The following TRPV3 variants were observed in gnomAD, a reference collection of about 807,000 sequenced individuals.
The protein encoded by TRPV3 is VRL-3.
Under a neutral mutation model 87.1 loss-of-function variants are expected in TRPV3, and 88 were observed. The observed-to-expected ratio is 1.01, with a 90% CI of 0.85 to 1.21. The LOEUF (loss-of-function observed/expected upper bound fraction) is 1.21. Ranked by LOEUF, TRPV3 falls within the 50% of genes most tolerant of loss-of-function variation. TRPV3 has a pLI of 0.00. For synonymous variants in TRPV3, 438 were observed against 423.3 expected, an observed-to-expected ratio of 1.03 and a Z score of -0.43; for missense variants, 1,054 against 1,030.1, an observed-to-expected ratio of 1.02 and a Z score of -0.32.
chr17:3,550,877 T>G (rs944580859), intron 2 of TRPV3, among the ~76,000 whole-genome samples: 1 of 152,140 alleles, frequency 6.6e-6, no homozygotes, highest in Non-Finnish European at 1.5e-5. Flanking sequence ...ACTAATATCC[T>G]CTGTGTAAGA....
intron 6 of TRPV3, among the ~76,000 whole-genome samples, chr17:3,540,046 G>A (rs958819512): frequency 1.1e-4 from 16 of 146,318 alleles, no homozygotes; most frequent in Non-Finnish European, 2.1e-4. Context: ...TGACACAGCG[G>A]AACTCCATCT....
chr17:3,511,502 CTCCT>C lies in TRPV3; in HGVS notation c.*2411_*2414del, dbSNP rs1567625707. 4.6e-5 allele frequency: 7 copies of C among 152,232 alleles called. No individual in the cohort carries two copies. Among genetic ancestry groups the C allele is most frequent in the Non-Finnish European group, 4.4e-5 (3 of 68,050 alleles). The allele number at this position is 152,232 out of a possible 1,614,324, so 9.4% of individuals were successfully genotyped here. On this transcript the variant is annotated 3_prime_UTR_variant, in exon 18 of 18. Coordinates refer to ENST00000576742, the MANE Select transcript of TRPV3 (RefSeq NM_145068.4). ...CTCTGGGCGTAAAATGAAGGAAGTG[CTCCT>C]TTTCACTCTGATGCTTCTTGACTTA...
At position 3,556,636 on chromosome 17, in the gene TRPV3, G is replaced by A. The variant is rs369066309; in HGVS notation, c.-3+1040C>T. ...CGGAGCCAGGTGTCATCAGGCTGGA[G>A]AGAGTCCCCCGCCCTCCAACTCAAA... On this transcript the variant is annotated intron_variant, in intron 1 of 17. Coordinates refer to ENST00000576742, the MANE Select transcript of TRPV3 (RefSeq NM_145068.4). The surrounding 1 kb of genome is among the most constrained non-coding windows in gnomAD (Gnocchi z 4.2). Among the ~76,000 whole-genome samples the A allele has an allele frequency of 1.1e-4, 16 of 152,298 alleles. No homozygotes were observed. The East Asian group carries it at 3.1e-3, about 29-fold the overall frequency.
At chr17:3,535,765 T>C (rs1342520838) in intron 6 of TRPV3, 52 bp from the exon 7 acceptor site, 1 of 1,412,014 alleles carries the variant, frequency 7.1e-7, no homozygotes, top group Non-Finnish European at 9.2e-7. Flanking sequence ...CACAGGGGCC[T>C]CTTGCCCACC....
At chr17:3,523,718 CAAAAAAAAA>C (rs201681037) in intron 13 of TRPV3, among the ~76,000 whole-genome samples, 33 of 78,638 alleles carry the variant, frequency 4.2e-4, no homozygotes, top group Non-Finnish European at 7.9e-4. Context: ...ACTTGGTCTC[CAAAAAAAAA>C]AAAAAAAAGC....
At chr17:3,516,275 C>T (rs1350051102) in intron 16 of TRPV3, among the ~76,000 whole-genome samples, 182 bp downstream of exon 16, 1 of 152,126 alleles carries the variant, frequency 6.6e-6, no homozygotes, top group African/African-American at 2.4e-5. Context: ...CTCAGGAACC[C>T]CCATCTCAGG....
chr17:3,518,736 A>G lies in TRPV3; in HGVS notation c.1925T>C (p.Leu642Pro), dbSNP rs115515253. 1.2e-6 allele frequency: 2 copies of G among 1,613,772 alleles called. No individual in the cohort carries two copies. The highest frequency in any genetic ancestry group is 1.7e-5 in the Admixed American group (1 of 59,952). The stretch of plus-strand genomic sequence containing the variant: ...ATACTTGGAGTTCTGCTGGATGTTC[A>G]GGTCACCCAGGCCTATGGTGAGCTT... ...LFKLTIGLGD[L>P]NIQQNSKYPI... The change falls in exon 15 of 18, where the codon CTG (leucine) becomes CCG (proline). Residue 642 changes from leucine to proline, a missense_variant. By Grantham distance (98) the Leu-to-Pro change is moderately conservative (BLOSUM62 -3). Transcript: ENST00000576742. This position sits in a 1 kb window ranked among gnomAD's most constrained non-coding sequence, Gnocchi z 4.3.
At chr17:3,514,315 G>C in intron 17 of TRPV3, 1 of 511,338 alleles carries the variant, frequency 2.0e-6, no homozygotes, top group South Asian at 2.4e-5. Context: ...CTGACCTCAG[G>C]TGATTCACCC....
chr17:3,546,687 G>T (rs1364861683), intron 2 of TRPV3: 1 of 455,580 alleles, frequency 2.2e-6, no homozygotes, highest in East Asian at 7.0e-5. Flanking sequence ...CAGATTCAAA[G>T]CTGGGCTAGG....
rs532268003 is a variant in TRPV3 at position 3,512,672 on chromosome 17, C to T, written c.*1245G>A. 1.3e-5 allele frequency: 2 copies of T among 152,190 alleles called. No individual in the cohort carries two copies. Among genetic ancestry groups the T allele is most frequent in the Non-Finnish European group, 2.9e-5 (2 of 68,022 alleles). 9.4% of individuals were successfully genotyped at this position (152,190 alleles called of 1,614,324 possible). ...CACCTGGAAAATCCTTCCGTCTCCA[C>T]TTCACCTCTGCCCCCCAGACTGACT... On this transcript the variant is annotated 3_prime_UTR_variant, in exon 18 of 18. Transcript: ENST00000576742.
rs1355064005 is a variant in TRPV3, at chr17:3,535,621, T to C, written c.736A>G (p.Lys246Glu). 1.9e-6 allele frequency: 3 copies of C among 1,609,670 alleles called. No homozygotes were observed. Among genetic ancestry groups the C allele is most frequent in the Non-Finnish European group, 2.5e-6 (3 of 1,178,746 alleles). ...AAGADVNAHA[K>E]GAFFNPKYQH... Reference sequence around the variant, plus strand: ...TACTTGGGGTTGAAGAAGGCCCCCTTGGCGTGCGCGTTGACGTCGGCGCCG... The same window carrying C: ...TACTTGGGGTTGAAGAAGGCCCCCTCGGCGTGCGCGTTGACGTCGGCGCCG... The change falls in exon 7 of 18, where the codon AAG (lysine) becomes GAG (glutamate). Residue 246 changes from lysine to glutamate, a missense_variant. Transcript: ENST00000576742.
chr17:3,534,346 G>A (rs1456202590), intron 7 of TRPV3, among the ~76,000 whole-genome samples: 1 of 151,966 alleles, frequency 6.6e-6, no homozygotes, highest in African/African-American at 2.4e-5. Context: ...TGAGCCAGAT[G>A]GCACCACTGC....
At position 3,542,552 on chromosome 17, in the gene TRPV3, T is replaced by A; in HGVS notation, c.613A>T (p.Asn205Tyr). Reference protein sequence around the residue: ...EENDILGRFINAEYTEEAYEG... With the variant: ...EENDILGRFIYAEYTEEAYEG... ...TAGGCCTCCTCTGTGTACTCGGCGT[T>A]GATGAACCTGCCCAGGATGTCGTTC... Residue 205 changes from asparagine to tyrosine, a missense_variant, in exon 6 of 18, where the codon AAC (asparagine) becomes TAC (tyrosine). Transcript: ENST00000576742. The A allele has an allele frequency of 6.2e-7, 1 of 1,614,086 alleles. No individual in the cohort carries two copies. Among genetic ancestry groups the A allele is most frequent in the Non-Finnish European group, 8.5e-7 (1 of 1,179,996 alleles).
intron 6 of TRPV3, among the ~76,000 whole-genome samples, chr17:3,541,330 T>C (rs771702730): frequency 6.6e-5 from 10 of 152,138 alleles, no homozygotes; most frequent in Non-Finnish European, 1.2e-4. Flanking sequence ...ATCGCGCCAC[T>C]GCACTCCAGC....
rs1017192975 is a variant in TRPV3 at position 3,528,600 on chromosome 17, G to A, written c.1401+237C>T. Among the ~76,000 whole-genome samples the A allele has an allele frequency of 5.9e-5, 9 of 152,166 alleles. No homozygotes were observed. The highest frequency in any genetic ancestry group is 1.3e-4 in the Non-Finnish European group (9 of 68,030). On this transcript the variant is annotated intron_variant, in intron 10 of 17. Transcript: ENST00000576742. This position sits in a 1 kb window ranked among gnomAD's most constrained non-coding sequence, Gnocchi z 4.2. ...GACCCTGTGCAGGGCCTGAGTCTCC[G>A]AATTCTCCAACTTTCCTCCCAGCAA...
chr17:3,544,518 G>T, intron 4 of TRPV3, 61 bp downstream of exon 4: 1 of 1,101,306 alleles, frequency 9.1e-7, no homozygotes. Context: ...CCCGGATCCT[G>T]TCTCTCTGGC....
At position 3,519,324 on chromosome 17, in the gene TRPV3, T is replaced by A. The variant is rs946578339; in HGVS notation, c.1811-474A>T. On this transcript the variant is annotated intron_variant, in intron 14 of 17. Coordinates refer to ENST00000576742, the MANE Select transcript of TRPV3 (RefSeq NM_145068.4). ...ACAGTAGAGGTTCACTGCTGAATGG[T>A]TGGATGGATGGATGGATGGATGGAT... 3.3e-3 allele frequency among the ~76,000 whole-genome samples: 482 copies of A among 146,726 alleles called. 3 individuals carry two copies. Among genetic ancestry groups the A allele is most frequent in the African/African-American group, 0.011 (432 of 39,632 alleles).
intron 2 of TRPV3, among the ~76,000 whole-genome samples, chr17:3,547,202 G>A (rs1356622875): frequency 6.6e-6 from 1 of 152,182 alleles, no homozygotes; most frequent in African/African-American, 2.4e-5. Context: ...CTGAGGGGCC[G>A]TCCCTAGACT....
At chr17:3,525,062 T>C (rs8068269) in intron 12 of TRPV3, among the ~76,000 whole-genome samples, 41,671 of 152,072 alleles carry the variant, frequency 0.27, 6,282 homozygotes, top group Non-Finnish European at 0.34. Context: ...CTCTGTCACC[T>C]AGGCTGGAGT....
Sources: gnomAD v4.1 joint callset for allele counts (sites outside exome capture counted in the v4.1 genomes callset) on GRCh38, gnomAD v4.1.1 for gene constraint, Gnocchi (gnomAD v3.1) non-coding constraint, MANE v1.5 for transcripts, NCBI Gene and HGNC (gene_info 2026-07-23, HGNC 2026-07-21) for gene names.